The following ACTG2 variants were observed in gnomAD, a reference collection of about 807,000 sequenced individuals.
ACTG2 encodes the protein actin, gamma-enteric smooth muscle.
ACTG2 carries 16 observed loss-of-function variants against 37.6 expected under a neutral mutation model. The ratio of observed to expected loss-of-function variants is 0.43; its 90% CI spans 0.29 to 0.65. The LOEUF is 0.65. Ranked by LOEUF, ACTG2 falls within the 30% of genes least tolerant of loss-of-function variation. ACTG2 has a pLI of 0.18. For synonymous variants in ACTG2, 181 were observed against 179.9 expected, an observed-to-expected ratio of 1.01 and a Z score of -0.05; for missense variants, 238 against 490.9, an observed-to-expected ratio of 0.48 and a Z score of 4.87.
intron 3 of ACTG2, among the ~76,000 whole-genome samples, chr2:73,904,777 GTATATATA>G (rs199782884): frequency 4.0e-4 from 17 of 42,622 alleles, no homozygotes; most frequent in South Asian, 2.0e-3. Context: ...GTGTGTGTGT[GTATATATA>G]TATATATATA....
chr2:73,916,814 G>C (rs1558629873), intron 8 of ACTG2, 49 bp downstream of exon 8: 1 of 1,580,666 alleles, frequency 6.3e-7, no homozygotes, highest in Non-Finnish European at 8.6e-7. Flanking sequence ...ATAAAGTCTT[G>C]CCTACCTGGG....
intron 1 of ACTG2, among the ~76,000 whole-genome samples, chr2:73,894,376 G>T (rs180705830): frequency 2.4e-4 from 37 of 152,272 alleles, no homozygotes; most frequent in African/African-American, 7.9e-4. Flanking sequence ...GAGAGGGATG[G>T]GTGCTGGAGA....
intron 3 of ACTG2, 103 bp from the exon 4 acceptor site, chr2:73,908,570 T>A (rs1680062247): frequency 2.0e-5 from 20 of 976,194 alleles, no homozygotes; most frequent in Non-Finnish European, 2.9e-5. Context: ...ATCCATCCCA[T>A]CCTGTGTAAC....
chr2:73,906,951 C>A (rs1680030153), intron 3 of ACTG2, among the ~76,000 whole-genome samples: 1 of 152,146 alleles, frequency 6.6e-6, no homozygotes, highest in Admixed American at 6.5e-5. Flanking sequence ...TGAGGAAGCA[C>A]ATTTTAAGTA....
chr2:73,901,560 G>GCA, intron 2 of ACTG2, 123 bp downstream of exon 2: 23 of 135,506 alleles, frequency 1.7e-4, no homozygotes, highest in African/African-American at 6.9e-4. Context: ...GTGTGTGTGT[G>GCA]TGTGTGTGTG....
chr2:73,910,205 A>C (rs1680099425), intron 5 of ACTG2, among the ~76,000 whole-genome samples: 2 of 131,742 alleles, frequency 1.5e-5, no homozygotes, highest in Non-Finnish European at 3.3e-5. Flanking sequence ...ACAGAGCGAG[A>C]CTCCGTCTCA....
At chr2:73,919,090 G>T (rs1326346323) in intron 8 of ACTG2, among the ~76,000 whole-genome samples, 4 of 152,216 alleles carry the variant, frequency 2.6e-5, no homozygotes, top group African/African-American at 9.7e-5. Flanking sequence ...AGGGCTAGCT[G>T]CTTCCCAGGG....
chr2:73,904,110 A>G (rs1679953101), intron 3 of ACTG2, among the ~76,000 whole-genome samples: 1 of 151,638 alleles, frequency 6.6e-6, no homozygotes, highest in African/African-American at 2.4e-5. Context: ...TTCACTGGGC[A>G]TGGTAACACA....
At chr2:73,908,466 C>T (rs1468404319) in intron 3 of ACTG2, 11 of 643,644 alleles carry the variant, frequency 1.7e-5, no homozygotes, top group Admixed American at 4.3e-5. Context: ...AATACTGGTT[C>T]CAGGTCTGAG....
intron 3 of ACTG2, 50 bp from the exon 4 acceptor site, chr2:73,908,623 T>C (rs985021942): frequency 1.4e-6 from 2 of 1,452,778 alleles, no homozygotes; most frequent in Admixed American, 4.0e-5. Flanking sequence ...AATGAGAATT[T>C]TCCAGCCATT....
intron 1 of ACTG2, among the ~76,000 whole-genome samples, chr2:73,899,481 A>C (rs545220369): frequency 6.6e-6 from 1 of 152,208 alleles, no homozygotes; most frequent in South Asian, 2.1e-4. Flanking sequence ...ATATATATAT[A>C]TCTTCTGATT....
At chr2:73,912,260 C>T (rs953813970) in intron 5 of ACTG2, among the ~76,000 whole-genome samples, 4 of 152,302 alleles carry the variant, frequency 2.6e-5, no homozygotes, top group Admixed American at 6.5e-5. Context: ...CGGGTTCAAG[C>T]GATTCTCCTG....
chr2:73,908,598 C>A (rs1467678693), intron 3 of ACTG2, 75 bp from the exon 4 acceptor site: 2 of 1,256,460 alleles, frequency 1.6e-6, no homozygotes, highest in African/African-American at 3.0e-5. Context: ...CACACTCTCC[C>A]AGCATGGGAA....
At chr2:73,914,576 A>G in intron 6 of ACTG2, 104 bp from the exon 7 acceptor site, 4 of 829,676 alleles carry the variant, frequency 4.8e-6, no homozygotes, top group Admixed American at 3.7e-5. Flanking sequence ...AAAAAAAAAA[A>G]AGAATAAAGT....
intron 3 of ACTG2, chr2:73,902,954 A>C: frequency 1.7e-6 from 1 of 589,408 alleles, no homozygotes; most frequent in Non-Finnish European, 2.9e-6. Flanking sequence ...CTGGCTCAAG[A>C]GAGGCAAACA....
intron 3 of ACTG2, 33 bp downstream of exon 3, chr2:73,902,521 T>A (rs762594700): frequency 4.8e-5 from 77 of 1,613,054 alleles, no homozygotes; most frequent in Non-Finnish European, 6.4e-5. Flanking sequence ...TGAGCCTGCT[T>A]TAATGATCAC....
chr2:73,906,626 G>A (rs1197503911), intron 3 of ACTG2, among the ~76,000 whole-genome samples: 1 of 151,862 alleles, frequency 6.6e-6, no homozygotes, highest in Non-Finnish European at 1.5e-5. Flanking sequence ...GAACAGAGGT[G>A]CACACCACAT....
intron 8 of ACTG2, among the ~76,000 whole-genome samples, chr2:73,917,685 A>G (rs1680297951): frequency 6.6e-6 from 1 of 152,242 alleles, no homozygotes; most frequent in Admixed American, 6.5e-5. Context: ...TCAATATTCT[A>G]AGAACCTTCA....
chr2:73,898,302 A>C (rs890533443), intron 1 of ACTG2, among the ~76,000 whole-genome samples: 1 of 79,042 alleles, frequency 1.3e-5, no homozygotes, highest in Non-Finnish European at 3.5e-5. Context: ...TAAGTTCTTT[A>C]CCTTCTCTGA....
Sources: allele counts gnomAD v4.1 joint callset (sites outside exome capture counted in the v4.1 genomes callset), GRCh38; gene constraint gnomAD v4.1.1; transcripts MANE v1.5; gene names NCBI Gene and HGNC (gene_info 2026-07-23, HGNC 2026-07-21).